Variants in ELAVL1 observed in about 807,000 individuals in gnomAD.
ELAVL1 encodes ELAV like RNA binding protein 1, also known as ELAV-like protein 1.
In ELAVL1, 1 loss-of-function variant was observed where a neutral mutation model predicts 28.4. The observed-to-expected ratio is 0.04, with a 90% confidence interval of 0.01 to 0.17. The LOEUF is 0.17. ELAVL1 is among the 10% of genes least tolerant of loss of function. The pLI is 1.00. For missense variants in ELAVL1, 157 were observed against 447.2 expected (o/e 0.35, Z 5.85); for synonymous variants, 174 against 183.5 (o/e 0.95, Z 0.42).
chr19:8,004,555 A>T (rs1479310638), intron 1 of ELAVL1, among the ~76,000 whole-genome samples: 1 of 152,170 alleles, frequency 6.6e-6, no homozygotes, highest in Non-Finnish European at 1.5e-5. Flanking sequence ...CCTACATTGC[A>T]CAGGGAAGCC....
intron 5 of ELAVL1, among the ~76,000 whole-genome samples, chr19:7,964,882 G>A (rs904770886): frequency 3.9e-5 from 6 of 152,166 alleles, no homozygotes; most frequent in Non-Finnish European, 5.9e-5. Flanking sequence ...TTGTGAAGCC[G>A]GCATCTGTGA....
chr19:8,004,749 G>C (rs1272357852), intron 1 of ELAVL1, among the ~76,000 whole-genome samples: 2 of 152,134 alleles, frequency 1.3e-5, no homozygotes, highest in Non-Finnish European at 2.9e-5. Flanking sequence ...AAGTTGTGCA[G>C]AAGTTCTTCT....
intron 3 of ELAVL1, among the ~76,000 whole-genome samples, chr19:7,976,474 T>C (rs544497367): frequency 1.3e-5 from 2 of 152,172 alleles, no homozygotes; most frequent in South Asian, 4.1e-4. Context: ...ATACAGGCAC[T>C]CTCACAGGGA....
In ELAVL1 at chr19:7,963,327, G is replaced by T; in HGVS notation, c.*156C>A. On this transcript the variant is annotated 3_prime_UTR_variant, in exon 6 of 6. Coordinates refer to ENST00000407627, the MANE Select transcript of ELAVL1 (RefSeq NM_001419.3). The surrounding 1 kb of genome is among the most constrained non-coding windows in gnomAD (Gnocchi z 4.5). ...GGGATTTCAAACATTTGAACATGTCGGTTGCATCCCAGAGTATAAAAACCT... is the reference window on the plus strand; with the variant it reads ...GGGATTTCAAACATTTGAACATGTCTGTTGCATCCCAGAGTATAAAAACCT... 1 of 785,308 alleles carries T rather than the reference G, an allele frequency of 1.3e-6. No homozygotes were observed. The highest frequency in any genetic ancestry group is 2.7e-5 in the East Asian group (1 of 36,980). The allele number at this position is 785,308 out of a possible 1,614,324, so 48.6% of individuals were successfully genotyped here. A position where few individuals can be genotyped will look rare whatever the true frequency, so the allele number is the denominator to read the frequency against.
intron 1 of ELAVL1, among the ~76,000 whole-genome samples, chr19:8,001,696 C>G (rs1023938112): frequency 1.3e-5 from 2 of 151,862 alleles, no homozygotes; most frequent in African/African-American, 4.8e-5. Flanking sequence ...GAACTCCTGG[C>G]CTTGAGCAAT....
At position 7,973,682 on chromosome 19, in the gene ELAVL1, C is replaced by A. The variant is rs757388738; in HGVS notation, c.430+43G>T. ...CCTTCCCTAGAAAACCCAGCCCCCACCTAGAGAACACCCTCCCCACGCGTC... is the reference window on the plus strand; with the variant it reads ...CCTTCCCTAGAAAACCCAGCCCCCAACTAGAGAACACCCTCCCCACGCGTC... On this transcript the variant is annotated intron_variant, in intron 4 of 5. Transcript: ENST00000407627. The A allele has an allele frequency of 8.8e-6, 14 of 1,590,266 alleles. No individual in the cohort carries two copies. In the East Asian group the frequency reaches 3.2e-4, roughly 36 times the overall value.
Position 7,962,476 on chromosome 19 carries a change from C to T in ELAVL1, c.*1007G>A, listed in dbSNP as rs1257653225. On this transcript the variant is annotated 3_prime_UTR_variant, in exon 6 of 6. Coordinates refer to ENST00000407627, the MANE Select transcript of ELAVL1 (RefSeq NM_001419.3). Reference sequence around the variant, plus strand: ...TAACTGGCAAGAAGTAAGTACTTTTCTGCTGAGTGTTCATACAAAAGCAAA... The same window carrying T: ...TAACTGGCAAGAAGTAAGTACTTTTTTGCTGAGTGTTCATACAAAAGCAAA... 3 of 152,626 alleles carry T rather than the reference C, an allele frequency of 2.0e-5. No individual in the cohort carries two copies. Among genetic ancestry groups the T allele is most frequent in the Non-Finnish European group, 4.4e-5 (3 of 68,030 alleles). 9.5% of individuals were successfully genotyped at this position (152,626 alleles called of 1,614,324 possible).
At chr19:8,004,663 C>T (rs1458492175) in intron 1 of ELAVL1, among the ~76,000 whole-genome samples, 1 of 152,200 alleles carries the variant, frequency 6.6e-6, no homozygotes, top group Non-Finnish European at 1.5e-5. Context: ...CTCATCTTCC[C>T]ATTTCTGGCC....
intron 3 of ELAVL1, among the ~76,000 whole-genome samples, chr19:7,980,212 C>T (rs985437956): frequency 6.6e-6 from 1 of 151,800 alleles, no homozygotes; most frequent in African/African-American, 2.4e-5. Flanking sequence ...GCACTGAGGG[C>T]GGGTGGGTGC....
In ELAVL1 at chr19:7,959,357, A is replaced by G. The variant is rs1366494597; in HGVS notation, c.*4126T>C. ...AAGGTCTAACCATCTACTGTACAAC[A>G]TGGGAATCGGTTAAGAGAGCCTCCC... On this transcript the variant is annotated 3_prime_UTR_variant, in exon 6 of 6. Coordinates refer to ENST00000407627, the MANE Select transcript of ELAVL1 (RefSeq NM_001419.3). The G allele has an allele frequency of 1.3e-5, 2 of 152,646 alleles. No homozygotes were observed. The highest frequency in any genetic ancestry group is 2.9e-5 in the Non-Finnish European group (2 of 68,044). 9.5% of individuals were successfully genotyped at this position (152,646 alleles called of 1,614,324 possible).
Position 7,979,206 on chromosome 19 carries a change from C to T in ELAVL1, c.276+1877G>A, listed in dbSNP as rs1985385471. On this transcript the variant is annotated intron_variant, in intron 3 of 5. Coordinates refer to ENST00000407627, the MANE Select transcript of ELAVL1 (RefSeq NM_001419.3). The surrounding 1 kb of genome is among the most constrained non-coding windows in gnomAD (Gnocchi z 5.4). ...CTGGCCTGTTTCTGCAGAACTAGGA[C>T]AGTGGTGTGAAGCCACTGAGAAGCA... 6.6e-6 allele frequency among the ~76,000 whole-genome samples: 1 copy of T among 152,222 alleles called. No individual in the cohort carries two copies. Among genetic ancestry groups the T allele is most frequent in the South Asian group, 2.1e-4 (1 of 4,832 alleles).
chr19:7,971,767 C>T (rs1050584886), intron 4 of ELAVL1, among the ~76,000 whole-genome samples: 1 of 152,222 alleles, frequency 6.6e-6, no homozygotes, highest in Non-Finnish European at 1.5e-5. Flanking sequence ...TTCCCCTCCT[C>T]GGGCCCCAGC....
At chr19:7,996,945 A>C (rs2081051791) in intron 1 of ELAVL1, among the ~76,000 whole-genome samples, 1 of 152,248 alleles carries the variant, frequency 6.6e-6, no homozygotes, top group African/African-American at 2.4e-5. Flanking sequence ...ATCATTAGTC[A>C]AATTAAAACC....
chr19:7,977,274 G>A (rs990522065), intron 3 of ELAVL1, among the ~76,000 whole-genome samples: 5 of 152,308 alleles, frequency 3.3e-5, no homozygotes, highest in Middle Eastern at 3.4e-3. Flanking sequence ...AGGTGACAAT[G>A]TTAAGTGCCT....
intron 1 of ELAVL1, among the ~76,000 whole-genome samples, chr19:8,005,180 C>T (rs1212499264): frequency 2.6e-5 from 4 of 152,034 alleles, no homozygotes; most frequent in Non-Finnish European, 5.9e-5. Context: ...CTCCCGCCCC[C>T]GGAGCCCGGG....
intron 3 of ELAVL1, among the ~76,000 whole-genome samples, chr19:7,976,529 C>G (rs941087568): frequency 6.6e-6 from 1 of 152,210 alleles, no homozygotes; most frequent in Non-Finnish European, 1.5e-5. Context: ...TGATGCTTCT[C>G]TAAAGCAAGC....
intron 4 of ELAVL1, among the ~76,000 whole-genome samples, chr19:7,970,934 A>G (rs1985092548): frequency 6.6e-6 from 1 of 151,816 alleles, no homozygotes. Context: ...TGCCACACAC[A>G]CTCTGTCTCC....
chr19:7,989,149 G>T (rs1913701166), intron 2 of ELAVL1, among the ~76,000 whole-genome samples: 1 of 152,200 alleles, frequency 6.6e-6, no homozygotes, highest in Non-Finnish European at 1.5e-5. Context: ...GGAGAAAGCC[G>T]TTGGCTGGGG....
Position 8,000,033 on chromosome 19 carries a change from T to C in ELAVL1, c.-17+5462A>G, listed in dbSNP as rs1013066421. The stretch of plus-strand genomic sequence containing the variant: ...CTCAGGTGATCCACCCGCCTTGGCC[T>C]CCCAAAGTGCTGGGATTACAAGCAT... On this transcript the variant is annotated intron_variant, in intron 1 of 5. Transcript: ENST00000407627. Among the ~76,000 whole-genome samples, 7 of 152,202 alleles carry C rather than the reference T, an allele frequency of 4.6e-5. No individual in the cohort carries two copies. In the East Asian group the frequency reaches 1.3e-3, roughly 29 times the overall value.
Sources: allele counts gnomAD v4.1 joint callset (sites outside exome capture counted in the v4.1 genomes callset), GRCh38; gene constraint gnomAD v4.1.1; non-coding constraint Gnocchi (gnomAD v3.1); transcripts MANE v1.5; gene names NCBI Gene and HGNC (gene_info 2026-07-23, HGNC 2026-07-21).